The following CRHBP variants were observed in gnomAD, a reference collection of about 807,000 sequenced individuals.
CRHBP encodes corticotropin-releasing hormone-binding protein.
CRHBP carries 19 observed loss-of-function variants against 34.9 expected under a neutral mutation model. The observed-to-expected ratio is 0.55, with a 90% CI of 0.38 to 0.80. CRHBP has a LOEUF of 0.80. Among genes scored for constraint, CRHBP ranks in the 30% least tolerant of loss-of-function variants. The pLI is 0.00. For missense variants in CRHBP, 328 were observed against 409.2 expected (o/e 0.80, Z 1.71); for synonymous variants, 154 against 153.4 (o/e 1.00, Z -0.03).
At chr5:76,955,503 A>G (rs2150704861) in intron 3 of CRHBP, 150 bp from the exon 4 acceptor site, 1 of 642,126 alleles carries the variant, frequency 1.6e-6, no homozygotes, top group East Asian at 2.7e-5. Flanking sequence ...ATATATACAA[A>G]TGAAAAGGCG....
chr5:76,953,921 C>A, intron 2 of CRHBP, 108 bp from the exon 3 acceptor site: 4 of 1,373,276 alleles, frequency 2.9e-6, no homozygotes, highest in Non-Finnish European at 3.9e-6. Context: ...AGTCGGGGCG[C>A]TGGGCACTAC....
chr5:76,980,146 T>A (rs1409732597), intron 3 of CRHBP, among the ~76,000 whole-genome samples: 1 of 149,924 alleles, frequency 6.7e-6, no homozygotes, highest in East Asian at 2.0e-4. Flanking sequence ...TCCCAGCTAC[T>A]CGGGAGGCTG....
Position 76,975,555 on chromosome 5 carries a change from C to T in CRHBP, n.312-810C>T, listed in dbSNP as rs954923623. ...TGGTGGCTCATACCTGTAATCCCAACACTTTGGGAGGCTGAGGTGGGTGGA... is the reference window on the plus strand; with the variant it reads ...TGGTGGCTCATACCTGTAATCCCAATACTTTGGGAGGCTGAGGTGGGTGGA... On this transcript the variant is annotated intron_variant and non_coding_transcript_variant, in intron 2 of 3. Transcript: ENST00000514258. Among the ~76,000 whole-genome samples, 15 of 151,840 alleles carry T rather than the reference C, an allele frequency of 9.9e-5. No homozygotes were observed. In the South Asian group the frequency reaches 2.1e-3, roughly 21 times the overall value.
At chr5:76,973,820 T>TTTTA (rs1281510765), downstream of CRHBP, among the ~76,000 whole-genome samples, 6 of 151,902 alleles carry the variant, frequency 3.9e-5, no homozygotes, top group Admixed American at 1.3e-4. Flanking sequence ...TTTTATTTTA[T>TTTTA]TTAAGACAGA....
downstream of CRHBP, among the ~76,000 whole-genome samples, chr5:76,971,695 A>C (rs1745950080): frequency 6.6e-6 from 1 of 152,238 alleles, no homozygotes; most frequent in Non-Finnish European, 1.5e-5. Flanking sequence ...CTGCTCCAGG[A>C]CCAATCCTGA....
Position 76,968,786 on chromosome 5 carries a change from C to T in CRHBP, c.870C>T (p.His290=), listed in dbSNP as rs753659305. 141 of 1,614,114 alleles carry T rather than the reference C, an allele frequency of 8.7e-5. 2 individuals are homozygous for T. The South Asian group carries it at 1.3e-3, about 14-fold the overall frequency. Residue 290 remains histidine (H), a synonymous_variant, in exon 7 of 7, where the codon CAC becomes CAT. Transcript: ENST00000274368. ...TGCGCATGGTCTCCAGTGGAAAACA[C>T]GTAAATCGTGTGACTTTTGAGTATC... ...TVVRMVSSGK[H]VNRVTFEYRQ... is the part of the protein sequence containing the mutation.
chr5:76,967,900 TG>T (rs1434052757), intron 6 of CRHBP, among the ~76,000 whole-genome samples: 3 of 152,152 alleles, frequency 2.0e-5, no homozygotes, highest in African/African-American at 7.2e-5. Context: ...GGTTTCACTA[TG>T]TTGGCCAGGC....
chr5:76,958,210 G>A (rs112585209), intron 4 of CRHBP, among the ~76,000 whole-genome samples: 15 of 152,086 alleles, frequency 9.9e-5, no homozygotes, highest in African/African-American at 3.6e-4. Flanking sequence ...GGGCCATGGT[G>A]AAGCTGCCGA....
At chr5:76,974,776 A>C (rs1745999400) in intron 2 of CRHBP, among the ~76,000 whole-genome samples, 1 of 152,206 alleles carries the variant, frequency 6.6e-6, no homozygotes, top group Non-Finnish European at 1.5e-5. Context: ...TGCATTTTAA[A>C]GTTTTTTTCT....
intron 3 of CRHBP, among the ~76,000 whole-genome samples, chr5:76,979,848 A>G (rs1746091340): frequency 6.6e-6 from 1 of 152,200 alleles, no homozygotes; most frequent in South Asian, 2.1e-4. Flanking sequence ...GTATGCCTGT[A>G]TATTCTTTGC....
intron 3 of CRHBP, chr5:76,980,876 T>C (rs1746108784): frequency 6.6e-6 from 1 of 152,198 alleles, no homozygotes. Context: ...AGCTATAATG[T>C]GTTATAAGCA....
At chr5:76,953,521 AG>A in intron 1 of CRHBP, 79 bp from the exon 2 acceptor site, 1 of 1,331,834 alleles carries the variant, frequency 7.5e-7, no homozygotes, top group Non-Finnish European at 1.1e-6. Context: ...GCTGAGTGGC[AG>A]GGAGGGTGCC....
At chr5:76,964,250 G>A (rs1440337817) in intron 6 of CRHBP, among the ~76,000 whole-genome samples, 1 of 152,124 alleles carries the variant, frequency 6.6e-6, no homozygotes, top group Non-Finnish European at 1.5e-5. Flanking sequence ...TCAGACACAG[G>A]AGTCCTAGAT....
At chr5:76,964,857 TGAGA>T (rs1320778210) in intron 6 of CRHBP, among the ~76,000 whole-genome samples, 1 of 151,608 alleles carries the variant, frequency 6.6e-6, no homozygotes, top group African/African-American at 2.4e-5. Context: ...CTAGACAGAG[TGAGA>T]TTCTGTCTCA....
In CRHBP at chr5:76,954,013, T is replaced by C. The variant is rs749598005; in HGVS notation, c.176-16T>C. 4 of 1,606,258 alleles carry C rather than the reference T, an allele frequency of 2.5e-6. No homozygotes were observed. The highest frequency in any genetic ancestry group is 4.5e-5 in the East Asian group (2 of 44,772). ...CTGCAGCCCGGGACTTATTGCCCCA[T>C]GCCCTCCTCCCCCAGGGTGCCTGGA... On this transcript the variant is annotated splice_polypyrimidine_tract_variant and intron_variant, in intron 2 of 6. Transcript: ENST00000274368.
intron 3 of CRHBP, among the ~76,000 whole-genome samples, chr5:76,980,254 CAAAAAAAAAAAAAA>C (rs574362034): frequency 1.2e-5 from 1 of 82,414 alleles, no homozygotes; most frequent in Admixed American, 1.4e-4. Context: ...GACTCCGTCT[CAAAAAAAAAAAAAA>C]AAAAAAAAAG....
downstream of CRHBP, among the ~76,000 whole-genome samples, chr5:76,974,042 G>C (rs1369482196): frequency 6.6e-6 from 1 of 151,584 alleles, no homozygotes; most frequent in Non-Finnish European, 1.5e-5. Context: ...ACCCAGACTG[G>C]AGTTCAGTGG....
At chr5:76,973,681 A>G (rs1413034058), downstream of CRHBP, among the ~76,000 whole-genome samples, 1 of 152,120 alleles carries the variant, frequency 6.6e-6, no homozygotes, top group African/African-American at 2.4e-5. Context: ...TTTGCCTTTT[A>G]CCAGATGAGT....
At position 76,968,960 on chromosome 5, in the gene CRHBP, A is replaced by G. The variant is rs1745903989; in HGVS notation, c.*75A>G. On this transcript the variant is annotated 3_prime_UTR_variant, in exon 7 of 7. Transcript: ENST00000274368. ...GCCATTGTGTATGATTTTGATGCAC[A>G]ACTAGTTAAAAGCCTTTCATACCAG... 6.5e-7 allele frequency: 1 copy of G among 1,535,804 alleles called. No individual in the cohort carries two copies. Among genetic ancestry groups the G allele is most frequent in the East Asian group, 2.3e-5 (1 of 44,170 alleles).
Sources: allele counts gnomAD v4.1 joint callset (sites outside exome capture counted in the v4.1 genomes callset), GRCh38; gene constraint gnomAD v4.1.1; transcripts MANE v1.5; gene names NCBI Gene and HGNC (gene_info 2026-07-23, HGNC 2026-07-21).